The following PIKFYVE variants were observed in gnomAD, a reference collection of about 807,000 sequenced individuals.
PIKFYVE encodes 1-phosphatidylinositol 3-phosphate 5-kinase.
In PIKFYVE, 122 loss-of-function variants were observed where a neutral mutation model predicts 257.9. The observed-to-expected ratio is 0.47, with a 90% CI of 0.41 to 0.55. The LOEUF is 0.55. Among genes scored for constraint, PIKFYVE ranks in the 20% least tolerant of loss-of-function variants. The pLI, the probability that PIKFYVE is intolerant of heterozygous loss-of-function variation, is 0.00. For synonymous variants in PIKFYVE, 892 were observed against 868.9 expected (o/e 1.03, Z -0.47); for missense variants, 2,160 against 2,536.6 (o/e 0.85, Z 3.19).
chr2:208,314,473 G>T (rs768172246), intron 14 of PIKFYVE, 50 bp downstream of exon 14: 2 of 1,560,266 alleles, frequency 1.3e-6, no homozygotes, highest in Non-Finnish European at 1.7e-6. Flanking sequence ...ATTATCTTCA[G>T]TGACTTGATA....
In PIKFYVE at chr2:208,347,984, G is replaced by A. The variant is rs1214053402; in HGVS notation, c.5335G>A (p.Gly1779Ser). The A allele has an allele frequency of 3.7e-6, 6 of 1,614,164 alleles. No homozygotes were observed. Among genetic ancestry groups the A allele is most frequent in the Non-Finnish European group, 5.1e-6 (6 of 1,180,016 alleles). The change falls in exon 35 of 42, where the codon GGC becomes AGC. Residue 1779 changes from glycine (G) to serine (S), a missense_variant. Transcript: ENST00000264380. ...TGCTTACTACCAGGTTGGGCAGACG[G>A]GCAAGGAGGGGACCGAGAATCAAGG... ...DSAYYQVGQT[G>S]KEGTENQGVE...
intron 7 of PIKFYVE, among the ~76,000 whole-genome samples, chr2:208,291,581 C>T (rs4673393): frequency 0.74 from 112,819 of 152,056 alleles, 44,091 homozygotes; most frequent in East Asian, 0.93. Flanking sequence ...GTAGAATTCA[C>T]CAGTGAATGC....
intron 35 of PIKFYVE, among the ~76,000 whole-genome samples, chr2:208,348,713 C>T (rs367692670): frequency 1.3e-5 from 2 of 150,210 alleles, no homozygotes; most frequent in East Asian, 2.0e-4. Flanking sequence ...TGTAAATTAA[C>T]GTTTATTGGG....
chr2:208,296,283 G>A (rs1008397654), intron 7 of PIKFYVE, among the ~76,000 whole-genome samples: 10 of 152,138 alleles, frequency 6.6e-5, no homozygotes, highest in African/African-American at 1.7e-4. Flanking sequence ...GGGATTATAG[G>A]TGTGAGCCAC....
At chr2:208,312,625 A>G (rs72982963) in intron 13 of PIKFYVE, among the ~76,000 whole-genome samples, 2,911 of 152,334 alleles carry the variant, frequency 0.019, 45 homozygotes, top group Admixed American at 0.034. Context: ...TGATATAAAT[A>G]TCATCAAGGA....
intron 15 of PIKFYVE, among the ~76,000 whole-genome samples, chr2:208,317,572 C>G (rs922253449): frequency 6.6e-6 from 1 of 152,002 alleles, no homozygotes; most frequent in Non-Finnish European, 1.5e-5. Context: ...GTGCTTTTTC[C>G]CTATGATATT....
chr2:208,328,334 T>A, intron 21 of PIKFYVE, 54 bp downstream of exon 21: 2 of 1,594,264 alleles, frequency 1.3e-6, no homozygotes, highest in South Asian at 1.1e-5. Context: ...TTCCAGCAAT[T>A]AAAAAAAAAC....
chr2:208,311,330 C>T (rs919061546), intron 12 of PIKFYVE, among the ~76,000 whole-genome samples: 5 of 152,148 alleles, frequency 3.3e-5, no homozygotes, highest in Admixed American at 3.3e-4. Flanking sequence ...GCATAGTGCA[C>T]TTGAACTTTC....
intron 16 of PIKFYVE, among the ~76,000 whole-genome samples, chr2:208,318,260 A>G (rs552130018): frequency 4.2e-4 from 64 of 152,300 alleles, no homozygotes; most frequent in African/African-American, 1.5e-3. Flanking sequence ...GGGTTTCTCT[A>G]GTAGGCTGGA....
chr2:208,271,405 T>G, intron 1 of PIKFYVE, 106 bp from the exon 2 acceptor site: 1 of 1,089,024 alleles, frequency 9.2e-7, no homozygotes, highest in Non-Finnish European at 1.4e-6. Flanking sequence ...TTTCATAGTC[T>G]GACTTTTCAC....
At chr2:208,348,147 T>C (rs1448202747) in intron 35 of PIKFYVE, 124 bp downstream of exon 35, 16 of 1,256,160 alleles carry the variant, frequency 1.3e-5, no homozygotes, top group Non-Finnish European at 1.8e-5. Flanking sequence ...CCCTCTGTTC[T>C]CACTTGTCAG....
rs570147387 is a variant in PIKFYVE, at chr2:208,335,383, T to G, written c.4220T>G (p.Val1407Gly). Residue 1407 changes from valine to glycine, a missense_variant, in exon 25 of 42, where the codon GTG becomes GGG. Around this residue, in one of 12 missense-constraint regions of PIKFYVE, gnomAD observed 699 missense variants for 855.8 expected, o/e 0.82. Coordinates refer to ENST00000264380, the MANE Select transcript of PIKFYVE (RefSeq NM_015040.4). ...IFIKRQAPLK[V>G]SLLQDLKDFF... ...ATTAAGCGTCAGGCCCCATTAAAAG[T>G]GTCCCTTCTTCAGGATCTGAAGGAC... 6.2e-7 allele frequency: 1 copy of G among 1,611,734 alleles called. No homozygotes were observed. Among genetic ancestry groups the G allele is most frequent in the Non-Finnish European group, 8.5e-7 (1 of 1,177,958 alleles).
intron 7 of PIKFYVE, 30 bp downstream of exon 7, chr2:208,288,848 T>G: frequency 6.2e-7 from 1 of 1,610,930 alleles, no homozygotes; most frequent in South Asian, 1.1e-5. Flanking sequence ...CACTGTGCTC[T>G]CTGATGTTTA....
rs758184134 is a variant in PIKFYVE, at chr2:208,347,869, T to G, written c.5220T>G (p.Ala1740=). The G allele has an allele frequency of 5.6e-6, 9 of 1,613,094 alleles. No individual in the cohort carries two copies. In the South Asian group the frequency reaches 9.9e-5, roughly 18 times the overall value. The change falls in exon 35 of 42, where the codon GCT becomes GCG. Residue 1740 remains alanine, a synonymous_variant. Transcript: ENST00000264380. ...ACTTCTTATTTTTAGCCAAAAAGGC[T>G]TCTGGAATGTTGTCCTTCTTCAGAG... ...TETEPQPTKK[A]SGMLSFFRGT...
intron 3 of PIKFYVE, 72 bp downstream of exon 3, chr2:208,273,805 G>A (rs1030663931): frequency 1.1e-5 from 17 of 1,568,640 alleles, no homozygotes; most frequent in Admixed American, 1.7e-5. Flanking sequence ...TTCCTAGGTT[G>A]TTTATAGCAG....
intron 15 of PIKFYVE, 92 bp from the exon 16 acceptor site, chr2:208,317,775 T>TA (rs67838836): frequency 0.13 from 159,781 of 1,237,868 alleles, 10,595 homozygotes; most frequent in African/African-American, 0.19. Context: ...CATAATAGTT[T>TA]AAAAAAAATG....
chr2:208,317,950 A>G lies in PIKFYVE; in HGVS notation c.2082+9A>G. ...ACATTGCACATAAAAAGGTAATGTG[A>G]TTCAGTTCAGCAGTGAAGTTCAGCA... On this transcript the variant is annotated intron_variant, in intron 16 of 41. Transcript: ENST00000264380. The G allele has an allele frequency of 6.2e-7, 1 of 1,608,130 alleles. No homozygotes were observed.
chr2:208,350,210 A>G, intron 36 of PIKFYVE, 127 bp downstream of exon 36: 5 of 1,374,682 alleles, frequency 3.6e-6, no homozygotes, highest in Non-Finnish European at 4.8e-6. Flanking sequence ...TTAAGTCTTT[A>G]TGCTGACATG....
rs1439896462 is a variant in PIKFYVE at position 208,323,085 on chromosome 2, ATTTTTATTTTAT to A, written c.2191-1043_2191-1032del. The stretch of plus-strand genomic sequence containing the variant: ...GTGTATGTGCCACATTTTCTTTTTT[ATTTTTATTTTAT>A]TTTTTATTTTATTATTATTAGTAGT... On this transcript the variant is annotated intron_variant, in intron 17 of 41. Transcript: ENST00000264380. Among the ~76,000 whole-genome samples, 6 of 146,732 alleles carry A rather than the reference ATTTTTATTTTAT, an allele frequency of 4.1e-5. No homozygotes were observed. In the East Asian group the frequency reaches 1.2e-3, roughly 30 times the overall value.
Sources: allele counts gnomAD v4.1 joint callset (sites outside exome capture counted in the v4.1 genomes callset), GRCh38; gene constraint gnomAD v4.1.1; regional missense constraint gnomAD v4.1.1; transcripts MANE v1.5; gene names NCBI Gene and HGNC (gene_info 2026-07-23, HGNC 2026-07-21).